The following FAM135B variants were observed in gnomAD, a reference collection of about 807,000 sequenced individuals.
The protein encoded by FAM135B is protein FAM135B.
Under a neutral mutation model 127.7 loss-of-function variants are expected in FAM135B, and 43 were observed. The observed-to-expected ratio is 0.34, with a 90% CI of 0.26 to 0.43. The LOEUF (loss-of-function observed/expected upper bound fraction) is 0.43. Among genes scored for constraint, FAM135B ranks in the 20% least tolerant of loss-of-function variants. The probability of loss-of-function intolerance (pLI) is 1.00; values close to 1 mark genes in which losing one functional copy is unlikely to be tolerated. For missense variants in FAM135B, 1,558 were observed against 1,725.6 expected (o/e 0.90, Z 1.72); for synonymous variants, 670 against 665.1 (o/e 1.01, Z -0.11).
chr8:138,152,855 A>T lies in FAM135B; in HGVS notation c.1620T>A (p.Ser540Arg), dbSNP rs760340253. The T allele has an allele frequency of 6.2e-7, 1 of 1,614,062 alleles. No homozygotes were observed. The highest frequency in any genetic ancestry group is 8.5e-7 in the Non-Finnish European group (1 of 1,179,994). Residue 540 changes from serine (S) to arginine (R), a missense_variant, in exon 13 of 20, where the codon AGT (serine) becomes AGA (arginine). Ser to Arg is a moderately radical substitution (Grantham distance 110, BLOSUM62 -1). Coordinates refer to ENST00000395297, the MANE Select transcript of FAM135B (RefSeq NM_015912.4). Reference protein sequence around the residue: ...PVADVDTSRRSPGPEDGQAPV... With the variant: ...PVADVDTSRRRPGPEDGQAPV... ...GGGCCTGTCCATCCTCTGGACCTGGACTCCTTCTAGAAGTATCCACATCTG... is the reference window on the plus strand; with the variant it reads ...GGGCCTGTCCATCCTCTGGACCTGGTCTCCTTCTAGAAGTATCCACATCTG...
At chr8:138,341,864 C>T (rs1304505666) in intron 2 of FAM135B, among the ~76,000 whole-genome samples, 5 of 152,160 alleles carry the variant, frequency 3.3e-5, no homozygotes, top group African/African-American at 4.8e-5. Context: ...GAAAGGAATG[C>T]TTAGTCAACC....
At chr8:138,359,032 G>GA (rs917735390) in intron 2 of FAM135B, among the ~76,000 whole-genome samples, 54 of 149,836 alleles carry the variant, frequency 3.6e-4, no homozygotes, top group African/African-American at 8.8e-4. Context: ...GGTAAATTGA[G>GA]AAAAAAAAAT....
At chr8:138,271,532 T>A (rs560657825) in intron 3 of FAM135B, among the ~76,000 whole-genome samples, 1 of 152,314 alleles carries the variant, frequency 6.6e-6, no homozygotes, top group East Asian at 1.9e-4. Context: ...GGGTTCCTTT[T>A]GGGACATCTA....
chr8:138,224,506 G>A (rs949864718), intron 7 of FAM135B, among the ~76,000 whole-genome samples: 6 of 152,070 alleles, frequency 3.9e-5, no homozygotes, highest in Admixed American at 1.3e-4. Flanking sequence ...GCCCGATCTC[G>A]GCTCACTGCA....
chr8:138,299,112 A>T lies in FAM135B; in HGVS notation c.157+11729T>A, dbSNP rs564366789. On this transcript the variant is annotated intron_variant, in intron 3 of 19. Transcript: ENST00000395297. The stretch of plus-strand genomic sequence containing the variant: ...ATAAATAAATAAATAAATAAATAAA[A>T]TAAAAATAAAAAATAAAAAAACACT... Among the ~76,000 whole-genome samples the T allele has an allele frequency of 1.4e-4, 21 of 146,138 alleles. No individual in the cohort carries two copies. In the East Asian group the frequency reaches 3.8e-3, roughly 26 times the overall value.
intron 2 of FAM135B, chr8:138,367,191 T>C (rs1401549799): frequency 3.0e-6 from 1 of 329,516 alleles, no homozygotes; most frequent in Admixed American, 4.3e-5. Context: ...GCGCTGTTAA[T>C]TGGACACTTA....
At chr8:138,156,036 A>G (rs931407864) in intron 12 of FAM135B, among the ~76,000 whole-genome samples, 1 of 152,336 alleles carries the variant, frequency 6.6e-6, no homozygotes, top group African/African-American at 2.4e-5. Context: ...AACTGACCAA[A>G]TAGATGGAAG....
At chr8:138,370,934 C>T (rs1352398936) in intron 1 of FAM135B, among the ~76,000 whole-genome samples, 1 of 152,156 alleles carries the variant, frequency 6.6e-6, no homozygotes, top group Non-Finnish European at 1.5e-5. Flanking sequence ...CCAGTGGCAT[C>T]AGCAACACTG....
At chr8:138,482,124 G>A (rs1030667014) in intron 1 of FAM135B, among the ~76,000 whole-genome samples, 2 of 152,206 alleles carry the variant, frequency 1.3e-5, no homozygotes, top group Admixed American at 1.3e-4. Context: ...CCAGACTATA[G>A]AGGGAGGATG....
At chr8:138,274,444 A>T (rs1452240887) in intron 3 of FAM135B, among the ~76,000 whole-genome samples, 1 of 152,184 alleles carries the variant, frequency 6.6e-6, no homozygotes, top group Non-Finnish European at 1.5e-5. Flanking sequence ...TCACAAGGCA[A>T]GTGGAGGCAG....
At chr8:138,142,922 G>T in intron 16 of FAM135B, 90 bp downstream of exon 16, 2 of 720,524 alleles carry the variant, frequency 2.8e-6, no homozygotes, top group South Asian at 3.2e-5. Context: ...GTGGTATACA[G>T]AAGGCATCAT....
chr8:138,335,761 A>G (rs1261842952), intron 2 of FAM135B, among the ~76,000 whole-genome samples: 1 of 152,240 alleles, frequency 6.6e-6, no homozygotes, highest in Admixed American at 6.5e-5. Flanking sequence ...CAGACCTAAT[A>G]GACATCTACA....
intron 9 of FAM135B, among the ~76,000 whole-genome samples, chr8:138,183,102 C>T (rs1815227577): frequency 6.7e-6 from 1 of 149,080 alleles, no homozygotes; most frequent in African/African-American, 2.5e-5. Flanking sequence ...GGTGCCCTCT[C>T]CTACATATAC....
intron 2 of FAM135B, among the ~76,000 whole-genome samples, chr8:138,331,966 G>C (rs1468815959): frequency 6.6e-6 from 1 of 152,074 alleles, no homozygotes; most frequent in Non-Finnish European, 1.5e-5. Flanking sequence ...CCTTAGGCAA[G>C]TCAGTTAATG....
At chr8:138,348,898 C>T (rs746825213) in intron 2 of FAM135B, among the ~76,000 whole-genome samples, 4 of 152,236 alleles carry the variant, frequency 2.6e-5, no homozygotes, top group Non-Finnish European at 5.9e-5. Flanking sequence ...AACACGTGCC[C>T]AGTGTCCTGG....
chr8:138,280,494 G>A lies in FAM135B; in HGVS notation c.158-14652C>T, dbSNP rs574180449. Among the ~76,000 whole-genome samples the A allele has an allele frequency of 2.2e-4, 34 of 152,276 alleles. No homozygotes were observed. The South Asian group carries it at 3.1e-3, about 14-fold the overall frequency. On this transcript the variant is annotated intron_variant, in intron 3 of 19. Transcript: ENST00000395297. ...TGCTGCTGGGGGCTGAGCACAAGGA[G>A]CACTTATCCCCGTGACCAAGCATTC...
rs770012982 is a variant in FAM135B, at chr8:138,491,123, C to T, written c.-20+5548G>A. 4.3e-4 allele frequency among the ~76,000 whole-genome samples: 45 copies of T among 103,940 alleles called. No individual in the cohort carries two copies. The Admixed American group carries it at 5.5e-3, about 13-fold the overall frequency. The allele number at this position is 103,940 out of a possible 152,430, so 68.2% of individuals were successfully genotyped here. On this transcript the variant is annotated intron_variant, in intron 1 of 19. Transcript: ENST00000395297. ...GCCATTGCACTCCCAGCCTAGGCAA[C>T]AAGAGCGAAACTCTCTCTCAAAAAA...
chr8:138,334,878 G>C (rs953164863), intron 2 of FAM135B, among the ~76,000 whole-genome samples: 9 of 152,098 alleles, frequency 5.9e-5, no homozygotes, highest in Non-Finnish European at 1.2e-4. Flanking sequence ...CTTTACAACA[G>C]AACTACTCAA....
At chr8:138,473,524 C>A (rs1053410895) in intron 1 of FAM135B, among the ~76,000 whole-genome samples, 3 of 152,106 alleles carry the variant, frequency 2.0e-5, no homozygotes, top group African/African-American at 4.8e-5. Flanking sequence ...CAGCCATTTC[C>A]TTCCTAACTT....
Sources: gnomAD v4.1 joint callset for allele counts (sites outside exome capture counted in the v4.1 genomes callset) on GRCh38, gnomAD v4.1.1 for gene constraint, MANE v1.5 for transcripts, NCBI Gene and HGNC (gene_info 2026-07-23, HGNC 2026-07-21) for gene names.